Variants in RNF214 observed in about 807,000 individuals in gnomAD.
RNF214 encodes ring finger protein 214.
RNF214 carries 25 observed loss-of-function variants against 75.9 expected under a neutral mutation model. The ratio of observed to expected loss-of-function variants is 0.33; its 90% CI spans 0.24 to 0.46. The LOEUF (loss-of-function observed/expected upper bound fraction) is 0.46. RNF214 is among the 20% of genes least tolerant of loss of function. The pLI is 1.00. For synonymous variants in RNF214, 314 were observed against 308.8 expected (o/e 1.02, Z -0.18); for missense variants, 725 against 857.5 (o/e 0.85, Z 1.93).
At chr11:117,283,046 T>G in intron 13 of RNF214, 69 bp from the exon 14 acceptor site, 1 of 1,137,614 alleles carries the variant, frequency 8.8e-7, no homozygotes, top group Non-Finnish European at 1.3e-6. Context: ...CTGCATGGAA[T>G]TATGGGCATA....
Position 117,282,012 on chromosome 11 carries a change from C to T in RNF214, c.1454C>T (p.Ser485Phe). 6.2e-7 allele frequency: 1 copy of T among 1,614,092 alleles called. No homozygotes were observed. The highest frequency in any genetic ancestry group is 1.3e-5 in the African/African-American group (1 of 74,984). ...VMPSADPRSL[S>F]FPILNPALSQ... is the part of the protein sequence containing the mutation. ...CCCAGTGCAGATCCCCGCTCCTTGT[C>T]TTTCCCAATCCTGAACCCTGCCCTT... Residue 485 changes from serine (S) to phenylalanine (F), a missense_variant, in exon 11 of 15, where the codon TCT becomes TTT. This residue lies in a region of RNF214 where 363 missense variants were observed against 513.0 expected (regional missense o/e 0.71). Transcript: ENST00000300650.
At chr11:117,239,151 G>C (rs767509660) in intron 3 of RNF214, 40 bp downstream of exon 3, 6 of 1,544,782 alleles carry the variant, frequency 3.9e-6, no homozygotes, top group Non-Finnish European at 5.3e-6. Context: ...GTAATTGGGG[G>C]GTGGTGGGGT....
intron 6 of RNF214, among the ~76,000 whole-genome samples, chr11:117,268,569 A>G (rs542243124): frequency 1.3e-5 from 2 of 152,322 alleles, no homozygotes; most frequent in East Asian, 3.9e-4. Flanking sequence ...CTATTCCATT[A>G]CATCGATCTG....
chr11:117,270,767 G>A lies in RNF214; in HGVS notation c.960-9141G>A, dbSNP rs947298334. Among the ~76,000 whole-genome samples, 6 of 152,124 alleles carry A rather than the reference G, an allele frequency of 3.9e-5. No homozygotes were observed. In the East Asian group the frequency reaches 1.2e-3, roughly 30 times the overall value. On this transcript the variant is annotated intron_variant, in intron 6 of 14. Transcript: ENST00000300650. ...CCAGCCTAATTTATTTTTATTTTTT[G>A]TAGAGACAGGGTCTCACTGTGTTGT...
At chr11:117,271,266 G>A (rs1383547321) in intron 6 of RNF214, among the ~76,000 whole-genome samples, 1 of 152,152 alleles carries the variant, frequency 6.6e-6, no homozygotes, top group Admixed American at 6.5e-5. Flanking sequence ...AGGCCAAGAA[G>A]ACAGCTCCTA....
chr11:117,283,235 T>G (rs757716577), intron 14 of RNF214, 25 bp downstream of exon 14: 41 of 1,440,272 alleles, frequency 2.8e-5, no homozygotes, highest in Non-Finnish European at 3.3e-5. Flanking sequence ...CCTTCCTCAT[T>G]TTCTACACTT....
At chr11:117,232,943 G>A (rs1227933243) in intron 1 of RNF214, among the ~76,000 whole-genome samples, 1 of 150,642 alleles carries the variant, frequency 6.6e-6, no homozygotes. Flanking sequence ...AAGGGGTGGA[G>A]GGGGGTCTGG....
chr11:117,250,622 T>G (rs1270272628), intron 6 of RNF214, among the ~76,000 whole-genome samples: 2 of 145,282 alleles, frequency 1.4e-5, no homozygotes, highest in South Asian at 4.3e-4. Context: ...TTTTTTTTAA[T>G]TTTTTTTTTT....
intron 6 of RNF214, among the ~76,000 whole-genome samples, chr11:117,253,273 C>T (rs2134379965): frequency 6.6e-6 from 1 of 152,318 alleles, no homozygotes; most frequent in East Asian, 1.9e-4. Flanking sequence ...GGATTACAGG[C>T]GTGAACCACT....
At chr11:117,274,103 C>T (rs892791278) in intron 6 of RNF214, among the ~76,000 whole-genome samples, 1 of 152,006 alleles carries the variant, frequency 6.6e-6, no homozygotes, top group African/African-American at 2.4e-5. Context: ...GTGCTGCAAG[C>T]CTCGTTTATT....
intron 6 of RNF214, among the ~76,000 whole-genome samples, chr11:117,278,321 G>A (rs2034058093): frequency 6.6e-6 from 1 of 151,994 alleles, no homozygotes; most frequent in African/African-American, 2.4e-5. Context: ...AACAAAACAT[G>A]TAACTCTTCC....
Position 117,285,367 on chromosome 11 carries a change from A to G in RNF214, c.*216A>G, listed in dbSNP as rs1385060949. ...ACAGTCTGTTCCCCCTCATCTTGCA[A>G]TTCCTTTGGGGGATGCAGATTGTAG... On this transcript the variant is annotated 3_prime_UTR_variant, in exon 15 of 15. Transcript: ENST00000300650. The G allele has an allele frequency of 1.9e-5, 8 of 414,598 alleles. No individual in the cohort carries two copies. The highest frequency in any genetic ancestry group is 1.2e-4 in the South Asian group (3 of 25,330). 25.7% of individuals were successfully genotyped at this position (414,598 alleles called of 1,614,324 possible). A position where few individuals can be genotyped will look rare whatever the true frequency, so the allele number is the denominator to read the frequency against.
chr11:117,236,505 C>T (rs1399307428), intron 2 of RNF214, among the ~76,000 whole-genome samples: 1 of 152,052 alleles, frequency 6.6e-6, no homozygotes, highest in Non-Finnish European at 1.5e-5. Flanking sequence ...ATCTTCCGAC[C>T]TTGTGATCCG....
At chr11:117,278,537 C>T (rs1159016489) in intron 6 of RNF214, among the ~76,000 whole-genome samples, 1 of 152,080 alleles carries the variant, frequency 6.6e-6, no homozygotes, top group African/African-American at 2.4e-5. Context: ...GATCACCCAT[C>T]CCAGTTTTAG....
chr11:117,275,382 G>A (rs746658486), intron 6 of RNF214, among the ~76,000 whole-genome samples: 3 of 152,006 alleles, frequency 2.0e-5, no homozygotes, highest in Non-Finnish European at 4.4e-5. Flanking sequence ...CCCAAAGCTA[G>A]CAGAAGAAAA....
At chr11:117,245,348 T>G (rs1449722422) in intron 5 of RNF214, among the ~76,000 whole-genome samples, 4 of 151,186 alleles carry the variant, frequency 2.6e-5, no homozygotes, top group Admixed American at 6.6e-5. Context: ...ATAGACTTTT[T>G]TTTTTTTTTG....
intron 1 of RNF214, among the ~76,000 whole-genome samples, chr11:117,233,826 A>G (rs1164635048): frequency 1.3e-5 from 2 of 152,196 alleles, no homozygotes; most frequent in Non-Finnish European, 2.9e-5. Context: ...CTTCCCTTAA[A>G]TTAATGGAGA....
At position 117,282,533 on chromosome 11, in the gene RNF214, T is replaced by G. The variant is rs780242654; in HGVS notation, c.1842T>G (p.Thr614=). 6.2e-7 allele frequency: 1 copy of G among 1,613,810 alleles called. No individual in the cohort carries two copies. Among genetic ancestry groups the G allele is most frequent in the South Asian group, 1.1e-5 (1 of 91,016 alleles). ...AACATGAGCGGGTGGCAGCAAGTAC[T>G]CAGGTGAGAAAAGCCACTTGGGAGA... is the stretch of plus-strand genomic sequence containing the variant. ...LAEHERVAAS[T]QPLGRIRALF... is the part of the protein sequence containing the mutation. Residue 614 remains threonine (T), a synonymous_variant, in exon 12 of 15, where the codon ACT becomes ACG. Transcript: ENST00000300650.
At chr11:117,241,321 C>T (rs1293162178) in intron 4 of RNF214, among the ~76,000 whole-genome samples, 1 of 151,886 alleles carries the variant, frequency 6.6e-6, no homozygotes, top group African/African-American at 2.4e-5. Context: ...GTGGCTCATG[C>T]TTGTAATCCT....
Sources: gnomAD v4.1 joint callset for allele counts (sites outside exome capture counted in the v4.1 genomes callset) on GRCh38, gnomAD v4.1.1 for gene constraint, gnomAD v4.1.1 regional missense constraint, MANE v1.5 for transcripts, NCBI Gene and HGNC (gene_info 2026-07-23, HGNC 2026-07-21) for gene names.